NLGN4X: variants seen among roughly 807,000 people sequenced by gnomAD.
NLGN4X encodes the protein neuroligin-4, X-linked.
A neutral mutation model predicts 40.3 loss-of-function variants in NLGN4X; 3 were observed. That is an observed-to-expected ratio of 0.07 (90% CI 0.03 to 0.19). NLGN4X has a LOEUF of 0.19. NLGN4X is among the 10% of genes least tolerant of loss of function. The probability of loss-of-function intolerance (pLI) is 1.00; values close to 1 mark genes in which losing one functional copy is unlikely to be tolerated. For missense variants in NLGN4X, 382 were observed against 708.3 expected (o/e 0.54, Z 5.23); for synonymous variants, 270 against 306.8 (o/e 0.88, Z 1.25).
chrX:6,008,937 C>T lies in NLGN4X; in HGVS notation c.625+20343G>A, dbSNP rs145031690. Among the ~76,000 whole-genome samples, 438 of 112,200 alleles carry T rather than the reference C, an allele frequency of 3.9e-3. 4 individuals carry two copies. The highest frequency in any genetic ancestry group is 0.014 in the African/African-American group (419 of 30,899). ...CGTACCTCATATTGGTAAAATCATA[C>T]AGCTTTTGTCCTTTTGTGACTAGCA... On this transcript the variant is annotated intron_variant, in intron 3 of 5. Transcript: ENST00000381095.
chrX:5,922,952 T>C (rs1348240445), intron 3 of NLGN4X, among the ~76,000 whole-genome samples: 1 of 111,932 alleles, frequency 8.9e-6, no homozygotes, highest in Non-Finnish European at 1.9e-5. Context: ...TATCTATTTA[T>C]TTGTGTGTGG....
At chrX:5,999,767 G>A (rs1010068399) in intron 3 of NLGN4X, among the ~76,000 whole-genome samples, 1 of 111,865 alleles carries the variant, frequency 8.9e-6, no homozygotes, top group Non-Finnish European at 1.9e-5. Flanking sequence ...CACTATTATC[G>A]CTGGCTAGCT....
chrX:6,073,957 G>C (rs1473917272), intron 2 of NLGN4X, among the ~76,000 whole-genome samples: 1 of 109,717 alleles, frequency 9.1e-6, no homozygotes, highest in Non-Finnish European at 1.9e-5. Context: ...GCAGGGAAGA[G>C]GCATCAGAGA....
Position 6,135,320 on chromosome X carries a change from A to G in NLGN4X, c.472+15675T>C, listed in dbSNP as rs1461815751. On this transcript the variant is annotated intron_variant, in intron 2 of 5. Coordinates refer to ENST00000381095, the MANE Select transcript of NLGN4X (RefSeq NM_181332.3). ...TACAGCTGTTTACAAACCAACAACA[A>G]CAGCAACTGATATACAAGTTTTCTC... Among the ~76,000 whole-genome samples, 4 of 111,780 alleles carry G rather than the reference A, an allele frequency of 3.6e-5. No individual in the cohort carries two copies. In the Admixed American group the frequency reaches 3.8e-4, roughly 11 times the overall value.
intron 3 of NLGN4X, among the ~76,000 whole-genome samples, chrX:6,021,938 C>A (rs1174169529): frequency 9.0e-6 from 1 of 111,296 alleles, no homozygotes; most frequent in Non-Finnish European, 1.9e-5. Flanking sequence ...TCTAAAGGCT[C>A]CCATTCTTCC....
intron 5 of NLGN4X, among the ~76,000 whole-genome samples, chrX:5,900,573 TTTTTTTTTTTTTTTTTA>T (rs2031793591): frequency 1.5e-5 from 1 of 67,950 alleles, no homozygotes; most frequent in Admixed American, 1.6e-4. Flanking sequence ...TTTTTTTTTT[TTTTTTTTTTTTTTTTTA>T]AAGATAAAGG....
Position 5,893,165 on chromosome X carries a change from G to A in NLGN4X, c.2103C>T (p.Asp701=). 1 of 1,211,762 alleles carries A rather than the reference G, an allele frequency of 8.3e-7. No individual in the cohort carries two copies. The highest frequency in any genetic ancestry group is 1.1e-6 in the Non-Finnish European group (1 of 895,472). Residue 701 remains aspartate (D), a synonymous_variant, in exon 6 of 6, where the codon GAC becomes GAT. Transcript: ENST00000381095. The part of the protein sequence containing the change: ...LAFAALYYKK[D]KRRHETHRRP... Reference sequence around the variant, plus strand: ...GCCTGTGAGTCTCATGGCGCCTCTTGTCCTTTTTGTAGTACAGCGCCGCAA... The same window carrying A: ...GCCTGTGAGTCTCATGGCGCCTCTTATCCTTTTTGTAGTACAGCGCCGCAA...
intron 3 of NLGN4X, among the ~76,000 whole-genome samples, chrX:5,964,176 C>A (rs920200075): frequency 1.8e-5 from 2 of 111,248 alleles, no homozygotes; most frequent in Non-Finnish European, 3.8e-5. Flanking sequence ...CACTCACTCC[C>A]GAATAATTTG....
intron 2 of NLGN4X, among the ~76,000 whole-genome samples, chrX:6,134,110 T>C (rs1020153603): frequency 3.6e-5 from 4 of 111,366 alleles, no homozygotes; most frequent in Non-Finnish European, 7.5e-5. Flanking sequence ...CTTGTCCTGG[T>C]TGAGCTTCTC....
chrX:5,953,659 A>G (rs2034390054), intron 3 of NLGN4X, among the ~76,000 whole-genome samples: 1 of 112,153 alleles, frequency 8.9e-6, no homozygotes, highest in Non-Finnish European at 1.9e-5. Context: ...GAAGAGAAAC[A>G]CTTGAGAATT....
intron 1 of NLGN4X, among the ~76,000 whole-genome samples, chrX:6,191,524 G>C (rs1329427494): frequency 4.5e-5 from 5 of 111,716 alleles, no homozygotes; most frequent in African/African-American, 1.6e-4. Context: ...AGACCAGCCT[G>C]GTCAACATGG....
At chrX:5,916,600 C>T (rs2032806126) in intron 3 of NLGN4X, among the ~76,000 whole-genome samples, 1 of 110,860 alleles carries the variant, frequency 9.0e-6, no homozygotes, top group African/African-American at 3.3e-5. Context: ...CAGGAATGTG[C>T]CACCATTTGC....
At chrX:5,923,208 G>A (rs1038665282) in intron 3 of NLGN4X, among the ~76,000 whole-genome samples, 1 of 112,103 alleles carries the variant, frequency 8.9e-6, no homozygotes, top group African/African-American at 3.2e-5. Context: ...GAGATGCATT[G>A]GGCATCTCTA....
At chrX:6,077,349 CAGGACAGAG>C (rs1222466187) in intron 2 of NLGN4X, among the ~76,000 whole-genome samples, 4 of 106,552 alleles carry the variant, frequency 3.8e-5, no homozygotes, top group Non-Finnish European at 7.8e-5. Flanking sequence ...CTCTACAAGC[CAGGACAGAG>C]TGCACCGAGG....
intron 1 of NLGN4X, among the ~76,000 whole-genome samples, chrX:6,159,788 G>A (rs1328911725): frequency 8.9e-6 from 1 of 112,280 alleles, no homozygotes; most frequent in Non-Finnish European, 1.9e-5. Flanking sequence ...CTCCAAAGCA[G>A]ACTCAGTATA....
intron 1 of NLGN4X, among the ~76,000 whole-genome samples, chrX:6,219,975 T>G (rs1486458645): frequency 9.0e-6 from 1 of 111,362 alleles, no homozygotes; most frequent in Non-Finnish European, 1.9e-5. Context: ...AGCAGATTAC[T>G]TTGATTCGAC....
chrX:6,110,916 T>A (rs1206364510), intron 2 of NLGN4X, among the ~76,000 whole-genome samples: 1 of 111,357 alleles, frequency 9.0e-6, no homozygotes, highest in African/African-American at 3.3e-5. Context: ...AGGTTTTGCA[T>A]TAGAAGTGAC....
At chrX:6,055,941 T>C (rs891584485) in intron 2 of NLGN4X, among the ~76,000 whole-genome samples, 2 of 111,972 alleles carry the variant, frequency 1.8e-5, no homozygotes, top group Admixed American at 1.9e-4. Context: ...TTACCTTTCA[T>C]ATTGGTTTCC....
At chrX:5,985,850 G>A (rs1176844123) in intron 3 of NLGN4X, among the ~76,000 whole-genome samples, 3 of 111,347 alleles carry the variant, frequency 2.7e-5, no homozygotes, top group African/African-American at 3.3e-5. Flanking sequence ...TAATGTTAAC[G>A]TCAAACTAAA....
Sources: gnomAD v4.1 joint callset for allele counts (sites outside exome capture counted in the v4.1 genomes callset) on GRCh38, gnomAD v4.1.1 for gene constraint, MANE v1.5 for transcripts, NCBI Gene and HGNC (gene_info 2026-07-23, HGNC 2026-07-21) for gene names.